The following ADGRL2 variants were observed in gnomAD, a reference collection of about 807,000 sequenced individuals.
The protein encoded by ADGRL2 is calcium-independent alpha-latrotoxin receptor 2.
A neutral mutation model predicts 157.4 loss-of-function variants in ADGRL2; 44 were observed. The ratio of observed to expected loss-of-function variants is 0.28; its 90% CI spans 0.22 to 0.36. ADGRL2 has a LOEUF of 0.36. Ranked by LOEUF, ADGRL2 falls within the 10% of genes least tolerant of loss-of-function variation. The pLI is 1.00. For synonymous variants in ADGRL2, 585 were observed against 624.7 expected, an observed-to-expected ratio of 0.94 and a Z score of 0.95; for missense variants, 1,510 against 1,768.9, an observed-to-expected ratio of 0.85 and a Z score of 2.63.
At chr1:81,939,216 G>C (rs992157801) in intron 4 of ADGRL2, among the ~76,000 whole-genome samples, 1 of 151,584 alleles carries the variant, frequency 6.6e-6, no homozygotes, top group African/African-American at 2.4e-5. Context: ...TTATAAACAG[G>C]CGCATGCATT....
intron 3 of ADGRL2, among the ~76,000 whole-genome samples, chr1:81,693,269 G>A (rs779711863): frequency 6.6e-6 from 1 of 151,958 alleles, no homozygotes; most frequent in African/African-American, 2.4e-5. Flanking sequence ...CCCGTCTCCC[G>A]ACTAAACCTG....
At chr1:81,369,334 A>G (rs184551373) in intron 1 of ADGRL2, among the ~76,000 whole-genome samples, 147 of 152,302 alleles carry the variant, frequency 9.7e-4, no homozygotes, top group African/African-American at 3.3e-3. Context: ...AATACAGTCT[A>G]TATATACATA....
At chr1:81,597,357 T>C (rs958667186) in intron 3 of ADGRL2, among the ~76,000 whole-genome samples, 2 of 152,168 alleles carry the variant, frequency 1.3e-5, no homozygotes, top group African/African-American at 4.8e-5. Flanking sequence ...TAATTCTTTC[T>C]ACAAAAGCAG....
intron 1 of ADGRL2, among the ~76,000 whole-genome samples, chr1:81,732,835 A>G (rs2084770441): frequency 6.6e-6 from 1 of 152,178 alleles, no homozygotes; most frequent in Admixed American, 6.5e-5. Flanking sequence ...TGATTTTCCT[A>G]GGCAGAATTG....
Position 81,739,333 on chromosome 1 carries a change from C to T in ADGRL2, c.-142-22478C>T, listed in dbSNP as rs141965824. Reference sequence around the variant, plus strand: ...AAAAGAGAATAGATATGTTGGAATGCTAAAAATGAGATTATACATGTATGC... The same window carrying T: ...AAAAGAGAATAGATATGTTGGAATGTTAAAAATGAGATTATACATGTATGC... On this transcript the variant is annotated intron_variant, in intron 1 of 20. Coordinates refer to the ADGRL2 transcript ENST00000359929. Among the ~76,000 whole-genome samples, 271 of 152,228 alleles carry T rather than the reference C, an allele frequency of 1.8e-3. 3 individuals are homozygous for T. The highest frequency in any genetic ancestry group is 6.1e-3 in the African/African-American group (253 of 41,550).
chr1:81,391,259 G>A (rs1395047115), intron 1 of ADGRL2, among the ~76,000 whole-genome samples: 2 of 152,304 alleles, frequency 1.3e-5, no homozygotes, highest in Non-Finnish European at 2.9e-5. Flanking sequence ...TGTGCTTGTG[G>A]CACTTGTGCT....
In ADGRL2 at chr1:81,986,978, G is replaced by T. The variant is rs781431355; in HGVS notation, c.3586G>T (p.Ala1196Ser). The T allele has an allele frequency of 1.2e-6, 2 of 1,611,104 alleles. No homozygotes were observed. The highest frequency in any genetic ancestry group is 4.5e-5 in the East Asian group (2 of 44,792). Residue 1196 changes from alanine (A) to serine (S), a missense_variant, in exon 22 of 24, where the codon GCT becomes TCT. Physicochemically the swap from Ala to Ser is moderately conservative, Grantham distance 99. Coordinates refer to ENST00000686636, the MANE Select transcript of ADGRL2 (RefSeq NM_001366006.2). ...GTNNPYNTLL[A>S]ETVVCNAPSA... ...TAACAACCCCTATAACACATTGCTC[G>T]CTGAAACAGTTGTATGTAATGCCCC...
chr1:81,451,446 G>A (rs1429372070), intron 2 of ADGRL2, among the ~76,000 whole-genome samples: 1 of 152,182 alleles, frequency 6.6e-6, no homozygotes, highest in East Asian at 1.9e-4. Flanking sequence ...GAAAGCCATT[G>A]TTTATACCAG....
intron 13 of ADGRL2, 38 bp from the exon 14 acceptor site, chr1:81,967,988 A>G (rs1418608107): frequency 6.5e-7 from 1 of 1,539,454 alleles, no homozygotes. Context: ...ATCTTAGAAT[A>G]TAAAATCCTA....
At chr1:81,548,291 G>T (rs1416264244) in intron 2 of ADGRL2, among the ~76,000 whole-genome samples, 4 of 151,672 alleles carry the variant, frequency 2.6e-5, no homozygotes, top group African/African-American at 9.7e-5. Context: ...CCTACTAAAG[G>T]GTCATAATTG....
chr1:81,802,081 C>A (rs1489699474), intron 1 of ADGRL2, among the ~76,000 whole-genome samples: 2 of 150,160 alleles, frequency 1.3e-5, no homozygotes, highest in Admixed American at 6.6e-5. Context: ...GGAGCTGCGG[C>A]GCTGCCTCCC....
chr1:81,577,582 C>T (rs565286925), intron 2 of ADGRL2, among the ~76,000 whole-genome samples: 1 of 152,270 alleles, frequency 6.6e-6, no homozygotes, highest in Non-Finnish European at 1.5e-5. Flanking sequence ...TAAGCCTTCG[C>T]CTCTGCAAAC....
chr1:81,889,213 G>A (rs190165947), intron 2 of ADGRL2, among the ~76,000 whole-genome samples: 291 of 152,322 alleles, frequency 1.9e-3, no homozygotes, highest in Non-Finnish European at 3.2e-3. Flanking sequence ...GCTTAGTGAG[G>A]AAGGCATATC....
chr1:81,795,880 C>A (rs1432324269), upstream of ADGRL2, among the ~76,000 whole-genome samples: 2 of 152,212 alleles, frequency 1.3e-5, no homozygotes, highest in East Asian at 3.8e-4. Flanking sequence ...CTTAGTTTAC[C>A]TTCAACAATT....
intron 1 of ADGRL2, among the ~76,000 whole-genome samples, chr1:81,374,224 A>G (rs2076207591): frequency 6.6e-6 from 1 of 152,176 alleles, no homozygotes; most frequent in Non-Finnish European, 1.5e-5. Flanking sequence ...AAAGCACACA[A>G]CAAAGCCCCA....
At chr1:81,576,146 A>G (rs138215125) in intron 2 of ADGRL2, among the ~76,000 whole-genome samples, 104 of 152,222 alleles carry the variant, frequency 6.8e-4, no homozygotes, top group Non-Finnish European at 1.3e-3. Flanking sequence ...CCTACACACA[A>G]CATGAAGTGG....
At position 81,658,931 on chromosome 1, in the gene ADGRL2, T is replaced by C. The variant is rs1418992744; in HGVS notation, c.-143+77951T>C. 2.0e-5 allele frequency among the ~76,000 whole-genome samples: 3 copies of C among 152,026 alleles called. No individual in the cohort carries two copies. In the South Asian group the frequency reaches 6.2e-4, roughly 32 times the overall value. On this transcript the variant is annotated intron_variant, in intron 3 of 24. Transcript: ENST00000370721. Reference sequence around the variant, plus strand: ...CATGCCTGGCTAATTTTTGTATTTTTAGTAGAGATGGGGTTTCATCATGTT... The same window carrying C: ...CATGCCTGGCTAATTTTTGTATTTTCAGTAGAGATGGGGTTTCATCATGTT...
intron 1 of ADGRL2, among the ~76,000 whole-genome samples, chr1:81,368,892 C>CT (rs1259949478): frequency 1.3e-5 from 2 of 152,038 alleles, no homozygotes; most frequent in Non-Finnish European, 2.9e-5. Flanking sequence ...ATTTGTCATC[C>CT]TTTTTTTACA....
chr1:81,630,515 C>G (rs78532282), intron 3 of ADGRL2, among the ~76,000 whole-genome samples: 3 of 152,000 alleles, frequency 2.0e-5, no homozygotes, highest in East Asian at 1.9e-4. Flanking sequence ...ATGATAGAAG[C>G]CTTTGTAATA....
Sources: allele counts gnomAD v4.1 joint callset (sites outside exome capture counted in the v4.1 genomes callset), GRCh38; gene constraint gnomAD v4.1.1; transcripts MANE v1.5; gene names NCBI Gene and HGNC (gene_info 2026-07-23, HGNC 2026-07-21).